XRN1: variants seen among roughly 807,000 people sequenced by gnomAD.
XRN1 encodes the protein 5'-3' exoribonuclease 1.
In XRN1, 67 loss-of-function variants were observed where a neutral mutation model predicts 222.3. The ratio of observed to expected loss-of-function variants is 0.30; its 90% CI spans 0.25 to 0.37. The LOEUF is 0.37. XRN1 is among the 10% of genes least tolerant of loss of function. The probability of loss-of-function intolerance (pLI) is 1.00; values close to 1 mark genes in which losing one functional copy is unlikely to be tolerated. For missense variants in XRN1, 1,707 were observed against 2,000.2 expected (o/e 0.85, Z 2.80); for synonymous variants, 643 against 652.4 (o/e 0.99, Z 0.22).
At chr3:142,397,285 C>A in intron 20 of XRN1, 44 bp downstream of exon 20, 1 of 1,508,622 alleles carries the variant, frequency 6.6e-7, no homozygotes, top group Non-Finnish European at 8.9e-7. Context: ...TACATTAAAA[C>A]GGATTTTAGT....
chr3:142,344,577 T>C (rs2066086582), intron 33 of XRN1, among the ~76,000 whole-genome samples: 1 of 151,678 alleles, frequency 6.6e-6, no homozygotes, highest in Non-Finnish European at 1.5e-5. Context: ...TAAGGCAATA[T>C]ACAAAAATCA....
chr3:142,431,908 A>ATTG (rs1454771935), intron 2 of XRN1, among the ~76,000 whole-genome samples: 1 of 51,498 alleles, frequency 1.9e-5, no homozygotes, highest in Non-Finnish European at 3.4e-5. Context: ...TATATTATAT[A>ATTG]TATAAATATA....
In XRN1 at chr3:142,433,042, C is replaced by T. The variant is rs912399923; in HGVS notation, c.76-149G>A. ...CTGAGTAAACAATCACAGATGAATA[C>T]AAAAAGTAAAGAATTGGTAATATGG... On this transcript the variant is annotated intron_variant, in intron 1 of 40. Transcript: ENST00000392981. 8 of 644,034 alleles carry T rather than the reference C, an allele frequency of 1.2e-5. No individual in the cohort carries two copies. The African/African-American group carries it at 1.3e-4, about 10-fold the overall frequency. The allele number at this position is 644,034 out of a possible 1,614,324, so 39.9% of individuals were successfully genotyped here.
At chr3:142,431,884 T>TAA (rs71153965) in intron 2 of XRN1, among the ~76,000 whole-genome samples, 6,038 of 56,326 alleles carry the variant, frequency 0.11, 607 homozygotes, top group Non-Finnish European at 0.11. Flanking sequence ...ATTATATATA[T>TAA]TATATATAAT....
chr3:142,431,877 ATATATAT>A (rs1317093790), intron 2 of XRN1, among the ~76,000 whole-genome samples: 16 of 47,268 alleles, frequency 3.4e-4, no homozygotes, highest in East Asian at 9.6e-4. Context: ...ATATTATATT[ATATATAT>A]TATATATAAT....
rs2069083417 is a variant in XRN1 at position 142,422,584 on chromosome 3, C to G, written c.965G>C (p.Gly322Ala). ...GTYVTILPEL[G>A]GYINESGHLN... ...AGAGATTATTAAATTCTTCTTACCC[C>G]CAAGTTCTGGCAGGATGGTAACATA... is the stretch of plus-strand genomic sequence containing the variant. The change falls in exon 8 of 41, where the codon GGG (glycine) becomes GCG (alanine). Residue 322 changes from glycine (G) to alanine (A), a missense_variant and splice_region_variant. Transcript: ENST00000392981. The G allele has an allele frequency of 6.2e-7, 1 of 1,612,508 alleles. No individual in the cohort carries two copies. The highest frequency in any genetic ancestry group is 1.3e-5 in the African/African-American group (1 of 74,810).
At chr3:142,360,028 AT>A (rs2066573180) in intron 29 of XRN1, 97 bp from the exon 30 acceptor site, 1 of 677,486 alleles carries the variant, frequency 1.5e-6, no homozygotes, top group Admixed American at 3.4e-5. Context: ...TTATTATAAA[AT>A]TCTAGATATG....
Position 142,311,398 on chromosome 3 carries a change from A to T in XRN1, c.*113T>A, listed in dbSNP as rs2065071692. Reference sequence around the variant, plus strand: ...TAACTTAAAAATGAAAAAAATTTCAATTTACACATATTATTTTAAAATAGT... The same window carrying T: ...TAACTTAAAAATGAAAAAAATTTCATTTTACACATATTATTTTAAAATAGT... On this transcript the variant is annotated 3_prime_UTR_variant, in exon 41 of 41. Coordinates refer to ENST00000392981, the MANE Select transcript of XRN1 (RefSeq NM_001282857.2). The T allele has an allele frequency of 9.6e-7, 1 of 1,046,980 alleles. No individual in the cohort carries two copies. Among genetic ancestry groups the T allele is most frequent in the African/African-American group, 1.6e-5 (1 of 62,108 alleles). 64.9% of individuals were successfully genotyped at this position (1,046,980 alleles called of 1,614,324 possible). A position where few individuals can be genotyped will look rare whatever the true frequency, so the allele number is the denominator to read the frequency against.
chr3:142,312,296 A>ATAT (rs1251777818), intron 40 of XRN1, among the ~76,000 whole-genome samples: 1 of 152,112 alleles, frequency 6.6e-6, no homozygotes, highest in Non-Finnish European at 1.5e-5. Context: ...ATGAATAATA[A>ATAT]TAATAATAAT....
intron 33 of XRN1, 75 bp from the exon 34 acceptor site, chr3:142,335,584 T>C (rs951232705): frequency 1.5e-5 from 19 of 1,295,300 alleles, no homozygotes; most frequent in Non-Finnish European, 1.8e-5. Flanking sequence ...ATATTTATAA[T>C]AGCAAGGCAC....
chr3:142,443,296 CA>C (rs2070331113), intron 1 of XRN1, among the ~76,000 whole-genome samples: 1 of 152,194 alleles, frequency 6.6e-6, no homozygotes, highest in Non-Finnish European at 1.5e-5. Flanking sequence ...ACCTCCCCAA[CA>C]GCACTTAGGT....
At chr3:142,364,277 A>G (rs1435576926) in intron 29 of XRN1, among the ~76,000 whole-genome samples, 1 of 152,188 alleles carries the variant, frequency 6.6e-6, no homozygotes, top group African/African-American at 2.4e-5. Context: ...GGATATATAT[A>G]GAGGAATGGT....
At chr3:142,332,940 G>GT (rs767045250) in intron 35 of XRN1, 27 bp downstream of exon 35, 4 of 1,610,604 alleles carry the variant, frequency 2.5e-6, no homozygotes, top group Non-Finnish European at 3.4e-6. Flanking sequence ...AATTACCACA[G>GT]TAAGAAAGTT....
intron 20 of XRN1, among the ~76,000 whole-genome samples, chr3:142,387,105 G>A (rs981676804): frequency 1.3e-5 from 2 of 152,088 alleles, no homozygotes; most frequent in East Asian, 3.9e-4. Flanking sequence ...AAATTGTGCT[G>A]TATTCATACA....
At chr3:142,314,738 T>C (rs2065160772) in intron 39 of XRN1, among the ~76,000 whole-genome samples, 1 of 151,454 alleles carries the variant, frequency 6.6e-6, no homozygotes, top group African/African-American at 2.4e-5. Flanking sequence ...ACCCTGTCTC[T>C]ATAAAAAGAT....
At chr3:142,315,862 G>T (rs974346618) in intron 39 of XRN1, among the ~76,000 whole-genome samples, 5 of 152,036 alleles carry the variant, frequency 3.3e-5, no homozygotes, top group African/African-American at 1.2e-4. Flanking sequence ...TCTACTCCAG[G>T]TTTAACTGTT....
chr3:142,354,325 T>C (rs1344205280), intron 32 of XRN1, among the ~76,000 whole-genome samples: 2 of 152,144 alleles, frequency 1.3e-5, no homozygotes, highest in East Asian at 3.8e-4. Context: ...AAACTCCTGG[T>C]AGGAATGTAA....
intron 20 of XRN1, among the ~76,000 whole-genome samples, chr3:142,387,924 C>T (rs907330739): frequency 2.0e-5 from 3 of 152,114 alleles, no homozygotes; most frequent in Admixed American, 1.3e-4. Context: ...GATCTGTACA[C>T]GCCTGTTCCT....
intron 14 of XRN1, among the ~76,000 whole-genome samples, chr3:142,413,748 CTTA>C (rs1391167851): frequency 6.6e-6 from 1 of 152,076 alleles, no homozygotes; most frequent in Non-Finnish European, 1.5e-5. Context: ...GGATAAATGA[CTTA>C]TTAGAACCAT....
Sources: gnomAD v4.1 joint callset for allele counts (sites outside exome capture counted in the v4.1 genomes callset) on GRCh38, gnomAD v4.1.1 for gene constraint, MANE v1.5 for transcripts, NCBI Gene and HGNC (gene_info 2026-07-23, HGNC 2026-07-21) for gene names.